Variants in CA10 observed in about 807,000 individuals in gnomAD.
The protein encoded by CA10 is carbonic anhydrase 10 (inactive).
Under a neutral mutation model 44.2 loss-of-function variants are expected in CA10, and 14 were observed. The ratio of observed to expected loss-of-function variants is 0.32; its 90% CI spans 0.21 to 0.50. The LOEUF (loss-of-function observed/expected upper bound fraction) is 0.50. CA10 is among the 20% of genes least tolerant of loss of function. The pLI is 0.99. For missense variants in CA10, 350 were observed against 409.7 expected (o/e 0.85, Z 1.26); for synonymous variants, 159 against 141.6 (o/e 1.12, Z -0.87).
At chr17:51,990,893 G>C (rs2144103225) in intron 2 of CA10, among the ~76,000 whole-genome samples, 1 of 152,182 alleles carries the variant, frequency 6.6e-6, no homozygotes, top group South Asian at 2.1e-4. Flanking sequence ...TTGTATCATA[G>C]ATGGCCCCAG....
chr17:51,976,766 CAAA>C (rs368097396), intron 2 of CA10, among the ~76,000 whole-genome samples: 1 of 148,552 alleles, frequency 6.7e-6, no homozygotes, highest in African/African-American at 2.5e-5. Flanking sequence ...GAAAAAAAGA[CAAA>C]AAAAAGGAAA....
intron 2 of CA10, among the ~76,000 whole-genome samples, chr17:52,062,065 C>CTTTTTTTTTTTTTTTTTTTTTTTTTTTT (rs56369087): frequency 8.6e-6 from 1 of 115,838 alleles, no homozygotes; most frequent in South Asian, 2.9e-4. Context: ...GGTGTGGCCA[C>CTTTTTTTTTTTTTTTTTTTTTTTTTTTT]TTTTTTTTTT....
intron 1 of CA10, among the ~76,000 whole-genome samples, chr17:52,101,769 C>G (rs1032958939): frequency 1.1e-4 from 17 of 152,114 alleles, no homozygotes; most frequent in African/African-American, 3.6e-4. Context: ...GTATTCTTCT[C>G]AAGGGCACTT....
chr17:52,003,962 C>T (rs890005896), intron 2 of CA10, among the ~76,000 whole-genome samples: 20 of 150,078 alleles, frequency 1.3e-4, no homozygotes, highest in African/African-American at 4.9e-4. Context: ...ACCCTTAACA[C>T]AACACATAAT....
chr17:51,830,545 C>T (rs1908199531), intron 3 of CA10, among the ~76,000 whole-genome samples: 1 of 152,140 alleles, frequency 6.6e-6, no homozygotes, highest in African/African-American at 2.4e-5. Flanking sequence ...CAGAAAGTTG[C>T]AACTCTTGAA....
chr17:52,002,803 G>A (rs73989016), intron 2 of CA10, among the ~76,000 whole-genome samples: 16,665 of 151,832 alleles, frequency 0.11, 948 homozygotes, highest in South Asian at 0.16. Flanking sequence ...CAAGAAGCCA[G>A]TTTGCTTATT....
chr17:51,833,869 T>C (rs909790583), intron 3 of CA10, among the ~76,000 whole-genome samples: 1 of 152,248 alleles, frequency 6.6e-6, no homozygotes, highest in Non-Finnish European at 1.5e-5. Context: ...GATGATTTTA[T>C]CTTTTTATTG....
intron 2 of CA10, among the ~76,000 whole-genome samples, chr17:51,997,854 C>T (rs1225505981): frequency 1.3e-5 from 2 of 151,906 alleles, no homozygotes; most frequent in Non-Finnish European, 2.9e-5. Flanking sequence ...AAACTGACAC[C>T]ACTGAGTAAA....
intron 2 of CA10, among the ~76,000 whole-genome samples, chr17:52,053,523 T>C (rs1183261281): frequency 6.6e-6 from 1 of 152,052 alleles, no homozygotes; most frequent in Admixed American, 6.6e-5. Context: ...AAATGAAAAG[T>C]TTTTGGAAAT....
intron 2 of CA10, among the ~76,000 whole-genome samples, chr17:52,010,044 A>T (rs1985733718): frequency 1.3e-5 from 2 of 152,030 alleles, no homozygotes; most frequent in African/African-American, 4.8e-5. Flanking sequence ...TCAAAACCAC[A>T]ATGCAATACC....
chr17:51,742,197 C>T (rs1166034300), intron 4 of CA10, among the ~76,000 whole-genome samples: 1 of 152,128 alleles, frequency 6.6e-6, no homozygotes, highest in African/African-American at 2.4e-5. Context: ...GGAGATGGGG[C>T]TGGCATTCAG....
intron 1 of CA10, among the ~76,000 whole-genome samples, chr17:52,139,580 T>C (rs2143377864): frequency 6.6e-6 from 1 of 152,188 alleles, no homozygotes; most frequent in East Asian, 1.9e-4. Context: ...AACTAGTTAC[T>C]TAACCTCTCT....
At position 51,660,740 on chromosome 17, in the gene CA10, C is replaced by G. The variant is rs181311438; in HGVS notation, c.466-7004G>C. On this transcript the variant is annotated intron_variant, in intron 4 of 8. Coordinates refer to ENST00000451037, the MANE Select transcript of CA10 (RefSeq NM_020178.5). ...CAGTGACAATGCTATCACCTTACCC[C>G]TGCTTAAACACCTCAGTGGCTTCCC... is the stretch of plus-strand genomic sequence containing the variant. Among the ~76,000 whole-genome samples the G allele has an allele frequency of 1.3e-3, 196 of 152,312 alleles. 1 individual carries two copies. Among genetic ancestry groups the G allele is most frequent in the African/African-American group, 4.5e-3 (189 of 41,572 alleles).
At chr17:52,014,244 C>T (rs923366472) in intron 2 of CA10, among the ~76,000 whole-genome samples, 1 of 151,842 alleles carries the variant, frequency 6.6e-6, no homozygotes, top group Admixed American at 6.6e-5. Context: ...GATGACTAAT[C>T]ATGCCAGCTG....
At chr17:51,741,397 T>G (rs1210496691) in intron 4 of CA10, among the ~76,000 whole-genome samples, 1 of 152,248 alleles carries the variant, frequency 6.6e-6, no homozygotes, top group African/African-American at 2.4e-5. Context: ...AGAACATGTC[T>G]TAGTAGTAAC....
chr17:51,958,747 G>A (rs1486236715), intron 2 of CA10, among the ~76,000 whole-genome samples: 1 of 152,106 alleles, frequency 6.6e-6, no homozygotes, highest in Non-Finnish European at 1.5e-5. Context: ...TATTCATGAT[G>A]TAAAAACAAA....
At chr17:51,846,772 C>T (rs545569894) in intron 3 of CA10, among the ~76,000 whole-genome samples, 11 of 152,284 alleles carry the variant, frequency 7.2e-5, no homozygotes, top group East Asian at 1.9e-4. Context: ...CTTGCTCTAC[C>T]GCTGTGGGCT....
chr17:52,158,752 T>G (rs1348888288), upstream of CA10: 1 of 152,310 alleles, frequency 6.6e-6, no homozygotes, highest in African/African-American at 2.4e-5. Flanking sequence ...TACGGATCCC[T>G]ACGCTTCCCA....
chr17:51,928,389 G>T (rs1477833725), intron 3 of CA10, among the ~76,000 whole-genome samples: 1 of 152,072 alleles, frequency 6.6e-6, no homozygotes, highest in Non-Finnish European at 1.5e-5. Context: ...ATTATTCCTT[G>T]CTATTCTTGT....
Sources: gnomAD v4.1 joint callset for allele counts (sites outside exome capture counted in the v4.1 genomes callset) on GRCh38, gnomAD v4.1.1 for gene constraint, MANE v1.5 for transcripts, NCBI Gene and HGNC (gene_info 2026-07-23, HGNC 2026-07-21) for gene names.